The following RFNG variants were observed in gnomAD, a reference collection of about 807,000 sequenced individuals.
The protein encoded by RFNG is RFNG O-fucosylpeptide 3-beta-N-acetylglucosaminyltransferase, also known as beta-1,3-N-acetylglucosaminyltransferase radical fringe.
A neutral mutation model predicts 29.6 loss-of-function variants in RFNG; 37 were observed. That is an observed-to-expected ratio of 1.25 (90% CI 0.96 to 1.65). The LOEUF (loss-of-function observed/expected upper bound fraction) is 1.65, where lower values mean the gene tolerates loss of function less well. Ranked by LOEUF, RFNG falls within the 40% of genes most tolerant of loss-of-function variation. RFNG has a pLI of 0.00. For synonymous variants in RFNG, 276 were observed against 197.3 expected (o/e 1.40, Z -3.34); for missense variants, 546 against 457.0 (o/e 1.19, Z -1.78).
In RFNG at chr17:82,048,740, G is replaced by C; in HGVS notation, c.982C>G (p.Pro328Ala). Residue 328 changes from proline (P) to alanine (A), a missense_variant, in exon 8 of 8, where the codon CCG (proline) becomes GCG (alanine). Coordinates refer to ENST00000310496, the MANE Select transcript of RFNG (RefSeq NM_002917.2). ...GGTGGTTGGTGTCACCGAGAGGTCG[G>C]GGCGCCCTGTTTCTGCCTGGGACAC... ...DWCPRQKQGAPTSR is the reference protein window; with the variant it reads ...DWCPRQKQGAATSR 6.2e-7 allele frequency: 1 copy of C among 1,613,014 alleles called. No homozygotes were observed. The highest frequency in any genetic ancestry group is 8.5e-7 in the Non-Finnish European group (1 of 1,179,806).
rs778561237 is a variant in RFNG at position 82,051,271 on chromosome 17, G to A, written c.316+23C>T. The A allele has an allele frequency of 1.5e-6, 2 of 1,354,320 alleles. No individual in the cohort carries two copies. The highest frequency in any genetic ancestry group is 1.9e-6 in the Non-Finnish European group (2 of 1,050,458). The allele number at this position is 1,354,320 out of a possible 1,614,324, so 83.9% of individuals were successfully genotyped here. ...GGCTCGGGGGGCAGATCCCGCGGGC[G>A]CCGGGGAGTGGGGGACACTCACCGC... is the stretch of plus-strand genomic sequence containing the variant. On this transcript the variant is annotated intron_variant, in intron 2 of 7. Transcript: ENST00000310496. This position sits in a 1 kb window ranked among gnomAD's most constrained non-coding sequence, Gnocchi z 4.1.
chr17:82,048,890 G>C (rs1203916508), intron 7 of RFNG, 83 bp from the exon 8 acceptor site: 12 of 1,459,922 alleles, frequency 8.2e-6, no homozygotes, highest in Non-Finnish European at 1.1e-5. Context: ...GAGAACCTGG[G>C]GTCAGGGCCG....
At chr17:82,050,791 A>T (rs750894066) in intron 2 of RFNG, 27 bp from the exon 3 acceptor site, 15 of 1,607,842 alleles carry the variant, frequency 9.3e-6, no homozygotes, top group Non-Finnish European at 1.7e-6. Context: ...GGAAGCACGC[A>T]CGTAGAGGAT....
At position 82,050,676 on chromosome 17, in the gene RFNG, A is replaced by G; in HGVS notation, c.405T>C (p.Ile135=). Residue 135 remains isoleucine, a synonymous_variant, in exon 3 of 8, where the codon ATT becomes ATC. Transcript: ENST00000310496. The part of the protein sequence containing the change: ...CKMSVEYDKF[I]ESGRKWFCHV... ...GCGCCGCGTACTTGCGCCCGGACTC[A>G]ATGAACTTGTCATACTCCACGGACA... is the stretch of plus-strand genomic sequence containing the variant. 2.5e-6 allele frequency: 4 copies of G among 1,613,228 alleles called. No homozygotes were observed. Among genetic ancestry groups the G allele is most frequent in the Non-Finnish European group, 3.4e-6 (4 of 1,179,932 alleles).
chr17:82,051,470 G>T lies in RFNG; in HGVS notation c.267+30C>A. 7.4e-7 allele frequency: 1 copy of T among 1,348,482 alleles called. No individual in the cohort carries two copies. Among genetic ancestry groups the T allele is most frequent in the Non-Finnish European group, 9.5e-7 (1 of 1,047,664 alleles). The allele number at this position is 1,348,482 out of a possible 1,614,324, so 83.5% of individuals were successfully genotyped here. A position where few individuals can be genotyped will look rare whatever the true frequency, so the allele number is the denominator to read the frequency against. Reference sequence around the variant, plus strand: ...GGGAGGCGGGGCGGGTGGGCGTGGGGCTCGCCGTCGGGGTCGGGGTCCGGC... The same window carrying T: ...GGGAGGCGGGGCGGGTGGGCGTGGGTCTCGCCGTCGGGGTCGGGGTCCGGC... On this transcript the variant is annotated intron_variant, in intron 1 of 7. Coordinates refer to ENST00000310496, the MANE Select transcript of RFNG (RefSeq NM_002917.2). This position sits in a 1 kb window ranked among gnomAD's most constrained non-coding sequence, Gnocchi z 4.1.
At position 82,048,681 on chromosome 17, in the gene RFNG, G is replaced by C; in HGVS notation, c.*45C>G. The stretch of plus-strand genomic sequence containing the variant: ...AGCCCATAGGGGGCTCTGGTTCCCC[G>C]CGCCTGGGACAGAGCCAGGCAGCCC... On this transcript the variant is annotated 3_prime_UTR_variant, in exon 8 of 8. Transcript: ENST00000310496. 1 of 1,524,954 alleles carries C rather than the reference G, an allele frequency of 6.6e-7. No homozygotes were observed. The highest frequency in any genetic ancestry group is 1.1e-5 in the South Asian group (1 of 89,356). 94.5% of individuals were successfully genotyped at this position (1,524,954 alleles called of 1,614,324 possible).
chr17:82,051,017 C>T lies in RFNG; in HGVS notation c.317-253G>A, dbSNP rs137964839. The T allele has an allele frequency of 9.3e-6, 13 of 1,402,746 alleles. No individual in the cohort carries two copies. Among genetic ancestry groups the T allele is most frequent in the Non-Finnish European group, 1.2e-5 (13 of 1,083,388 alleles). 86.9% of individuals were successfully genotyped at this position (1,402,746 alleles called of 1,614,324 possible). On this transcript the variant is annotated intron_variant, in intron 2 of 7. Transcript: ENST00000310496. This position sits in a 1 kb window ranked among gnomAD's most constrained non-coding sequence, Gnocchi z 4.1. ...CGGAGGCAGCTCGCCCTGACCTGGC[C>T]TGGAAGGGCGGATTCCCTGCTGGCG...
chr17:82,051,314 G>T lies in RFNG; in HGVS notation c.296C>A (p.Pro99His). 1 of 1,442,512 alleles carries T rather than the reference G, an allele frequency of 6.9e-7. No individual in the cohort carries two copies. Among genetic ancestry groups the T allele is most frequent in the Non-Finnish European group, 9.1e-7 (1 of 1,103,182 alleles). The allele number at this position is 1,442,512 out of a possible 1,614,324, so 89.4% of individuals were successfully genotyped here. A position where few individuals can be genotyped will look rare whatever the true frequency, so the allele number is the denominator to read the frequency against. The change falls in exon 2 of 8, where the codon CCT becomes CAT. Residue 99 changes from proline (P) to histidine (H), a missense_variant. Physicochemically the swap from Pro to His is moderately conservative, Grantham distance 77. Coordinates refer to ENST00000310496, the MANE Select transcript of RFNG (RefSeq NM_002917.2). The surrounding 1 kb of genome is among the most constrained non-coding windows in gnomAD (Gnocchi z 4.1). ...QTFIFTDGDD[P>H]ELELQGGDRV... is the part of the protein sequence containing the mutation. ...CTCACCGCCCTGGAGCTCGAGCTCAGGGTCGTCCCCGTCGGTGAAGATAAA... is the reference window on the plus strand; with the variant it reads ...CTCACCGCCCTGGAGCTCGAGCTCATGGTCGTCCCCGTCGGTGAAGATAAA...
At chr17:82,048,977 T>C in intron 7 of RFNG, 54 bp downstream of exon 7, 2 of 1,561,080 alleles carry the variant, frequency 1.3e-6, no homozygotes, top group South Asian at 1.1e-5. Flanking sequence ...TAGAGGGAGC[T>C]GATGCCAGAG....
Position 82,050,916 on chromosome 17 carries a change from C to G in RFNG, c.317-152G>C. 3 of 1,402,416 alleles carry G rather than the reference C, an allele frequency of 2.1e-6. No individual in the cohort carries two copies. In the South Asian group the frequency reaches 4.4e-5, roughly 20 times the overall value. 86.9% of individuals were successfully genotyped at this position (1,402,416 alleles called of 1,614,324 possible). On this transcript the variant is annotated intron_variant, in intron 2 of 7. Coordinates refer to ENST00000310496, the MANE Select transcript of RFNG (RefSeq NM_002917.2). ...TGGGTCCAACCACAGCCCTAGCCCT[C>G]ACGCGCTGACCCTGCTGGTGCCACC...
At chr17:82,050,894 G>A (rs2030432015) in intron 2 of RFNG, 130 bp from the exon 3 acceptor site, 1 of 1,413,624 alleles carries the variant, frequency 7.1e-7, no homozygotes, top group South Asian at 1.4e-5. Flanking sequence ...CCTTGCCTGG[G>A]TCCAACCACA....
In RFNG at chr17:82,050,495, G is replaced by A. The variant is rs779138372; in HGVS notation, c.480C>T (p.Leu160=). The A allele has an allele frequency of 6.8e-6, 11 of 1,613,086 alleles. No homozygotes were observed. Among genetic ancestry groups the A allele is most frequent in the African/African-American group, 1.3e-5 (1 of 75,040 alleles). The part of the protein sequence containing the change: ...YVNARSLLHL[L]SSFSPSQDVY... ...CGTCCTGGCTGGGTGAGAAGCTGGA[G>A]AGCAGGTGCAGGAGGCTCCTGGCGT... is the stretch of plus-strand genomic sequence containing the variant. Residue 160 remains leucine, a synonymous_variant, in exon 4 of 8, where the codon CTC becomes CTT. Coordinates refer to ENST00000310496, the MANE Select transcript of RFNG (RefSeq NM_002917.2).
Position 82,051,137 on chromosome 17 carries a change from T to G in RFNG, c.316+157A>C. The G allele has an allele frequency of 7.6e-7, 1 of 1,318,662 alleles. No individual in the cohort carries two copies. The highest frequency in any genetic ancestry group is 9.6e-7 in the Non-Finnish European group (1 of 1,037,082). The allele number at this position is 1,318,662 out of a possible 1,614,324, so 81.7% of individuals were successfully genotyped here. A position where few individuals can be genotyped will look rare whatever the true frequency, so the allele number is the denominator to read the frequency against. ...AGAGCTTGGCTGGCAGGGTGGGCCCTCCGCAGGCCGCGTGACCTGGGCAGC... is the reference window on the plus strand; with the variant it reads ...AGAGCTTGGCTGGCAGGGTGGGCCCGCCGCAGGCCGCGTGACCTGGGCAGC... On this transcript the variant is annotated intron_variant, in intron 2 of 7. Coordinates refer to ENST00000310496, the MANE Select transcript of RFNG (RefSeq NM_002917.2). The surrounding 1 kb of genome is among the most constrained non-coding windows in gnomAD (Gnocchi z 4.1).
chr17:82,050,485 A>G lies in RFNG; in HGVS notation c.490T>C (p.Ser164Pro). Residue 164 changes from serine to proline, a missense_variant, in exon 4 of 8, where the codon TCA (serine) becomes CCA (proline). Physicochemically the swap from Ser to Pro is moderately conservative, Grantham distance 74. Coordinates refer to ENST00000310496, the MANE Select transcript of RFNG (RefSeq NM_002917.2). ...RSLLHLLSSF[S>P]PSQDVYLGRP... ...CCCAGGTAGACGTCCTGGCTGGGTG[A>G]GAAGCTGGAGAGCAGGTGCAGGAGG... 3 of 1,612,876 alleles carry G rather than the reference A, an allele frequency of 1.9e-6. No homozygotes were observed. Among genetic ancestry groups the G allele is most frequent in the South Asian group, 2.2e-5 (2 of 91,054 alleles).
At chr17:82,049,210 C>G (rs2030108272) in intron 6 of RFNG, 94 bp from the exon 7 acceptor site, 1 of 1,017,346 alleles carries the variant, frequency 9.8e-7, no homozygotes. Context: ...CCCCTTTGCC[C>G]ACCCCCTCTC....
rs915287145 is a variant in RFNG at position 82,050,597 on chromosome 17, C to T, written c.420-42G>A. ...TCCTGGGCACGAGGGCCTGGCATGG[C>T]TGGACAGGAGGCCCCCACCCAGCTT... On this transcript the variant is annotated intron_variant, in intron 3 of 7. Coordinates refer to ENST00000310496, the MANE Select transcript of RFNG (RefSeq NM_002917.2). 3 of 1,608,154 alleles carry T rather than the reference C, an allele frequency of 1.9e-6. No individual in the cohort carries two copies. In the African/African-American group the frequency reaches 4.0e-5, roughly 21 times the overall value.
At chr17:82,048,966 G>T in intron 7 of RFNG, 65 bp downstream of exon 7, 1 of 1,547,824 alleles carries the variant, frequency 6.5e-7, no homozygotes, top group Non-Finnish European at 8.9e-7. Context: ...AGGGCCGTGG[G>T]TAGAGGGAGC....
At chr17:82,050,265 G>A (rs890503315) in intron 4 of RFNG, 137 bp downstream of exon 4, 4 of 1,102,396 alleles carry the variant, frequency 3.6e-6, no homozygotes, top group Non-Finnish European at 3.8e-6. Context: ...AACACCACAT[G>A]CAAACCACCT....
At position 82,051,722 on chromosome 17, in the gene RFNG, C is replaced by T; in HGVS notation, c.45G>A (p.Leu15=). 9.5e-7 allele frequency: 1 copy of T among 1,053,012 alleles called. No homozygotes were observed. Among genetic ancestry groups the T allele is most frequent in the South Asian group, 4.3e-5 (1 of 23,378 alleles). 65.2% of individuals were successfully genotyped at this position (1,053,012 alleles called of 1,614,324 possible). Residue 15 remains leucine (L), a synonymous_variant, in exon 1 of 8, where the codon CTG becomes CTA. Transcript: ENST00000310496. This position sits in a 1 kb window ranked among gnomAD's most constrained non-coding sequence, Gnocchi z 4.1. ...RGALCRACLA[L]AAALAALLLL... is the part of the protein sequence containing the mutation. The stretch of plus-strand genomic sequence containing the variant: ...ACAGCAGCGCGGCCAGGGCCGCGGC[C>T]AGCGCGAGGCAGGCCCGGCACAGCG...
Sources: allele counts gnomAD v4.1 joint callset, GRCh38; gene constraint gnomAD v4.1.1; non-coding constraint Gnocchi (gnomAD v3.1); transcripts MANE v1.5; gene names NCBI Gene and HGNC (gene_info 2026-07-23, HGNC 2026-07-21).